The following PCDHA4 variants were observed in gnomAD, a reference collection of about 807,000 sequenced individuals.
PCDHA4 encodes the protein protocadherin alpha-4.
A neutral mutation model predicts 61.4 loss-of-function variants in PCDHA4; 49 were observed. The observed-to-expected ratio is 0.80, with a 90% CI of 0.63 to 1.01. The LOEUF is 1.01. Among genes scored for constraint, PCDHA4 ranks in the 50% least tolerant of loss-of-function variants. PCDHA4 has a pLI of 0.00. For synonymous variants in PCDHA4, 590 were observed against 550.3 expected (o/e 1.07, Z -1.01); for missense variants, 1,254 against 1,235.8 (o/e 1.01, Z -0.22).
intron 1 of PCDHA4, chr5:140,827,875 C>G (rs2150149520): frequency 7.5e-4 from 485 of 643,822 alleles, no homozygotes; most frequent in Middle Eastern, 4.8e-3. Flanking sequence ...AGCACTGTTA[C>G]GTGAATTGAT....
intron 1 of PCDHA4, chr5:140,967,958 C>T (rs202159883): frequency 5.6e-6 from 9 of 1,614,182 alleles, no homozygotes; most frequent in East Asian, 2.2e-5. Flanking sequence ...AGGCCCCAAC[C>T]GGAAAGTGAG....
intron 1 of PCDHA4, among the ~76,000 whole-genome samples, chr5:140,962,176 C>T (rs1554225858): frequency 6.6e-6 from 1 of 152,104 alleles, no homozygotes; most frequent in Admixed American, 6.6e-5. Flanking sequence ...CACCCGGCCA[C>T]TTATATCACT....
Position 141,010,117 on chromosome 5 carries a change from T to C in PCDHA4, c.*180T>C. Reference sequence around the variant, plus strand: ...TTTAACAGGTTTTGTCGTAAAAGCTTTACTAAGTCTGGTGTTAACTCTTTC... The same window carrying C: ...TTTAACAGGTTTTGTCGTAAAAGCTCTACTAAGTCTGGTGTTAACTCTTTC... On this transcript the variant is annotated 3_prime_UTR_variant, in exon 4 of 4. Transcript: ENST00000530339. 1 of 1,608,612 alleles carries C rather than the reference T, an allele frequency of 6.2e-7. No individual in the cohort carries two copies. The highest frequency in any genetic ancestry group is 8.5e-7 in the Non-Finnish European group (1 of 1,177,044).
intron 1 of PCDHA4, chr5:140,926,324 G>A (rs574950381): frequency 6.6e-6 from 1 of 152,268 alleles, no homozygotes; most frequent in Non-Finnish European, 1.5e-5. Flanking sequence ...GTGCGCCGGG[G>A]TCAGAGCGCC....
At chr5:140,925,523 A>G (rs2082536331) in intron 1 of PCDHA4, among the ~76,000 whole-genome samples, 1 of 152,138 alleles carries the variant, frequency 6.6e-6, no homozygotes, top group African/African-American at 2.4e-5. Flanking sequence ...ACCAAATTAA[A>G]AGCGAGGAGA....
At chr5:140,857,184 G>C in intron 1 of PCDHA4, 1 of 1,598,552 alleles carries the variant, frequency 6.3e-7, no homozygotes. Flanking sequence ...CATGATTCAG[G>C]AGCCAACGGA....
chr5:140,993,133 C>T (rs2097542175), intron 3 of PCDHA4, among the ~76,000 whole-genome samples: 1 of 152,190 alleles, frequency 6.6e-6, no homozygotes, highest in East Asian at 1.9e-4. Context: ...CCTTCTGTTG[C>T]AACAAGTATA....
intron 1 of PCDHA4, chr5:140,827,959 T>C: frequency 7.6e-7 from 1 of 1,307,212 alleles, no homozygotes; most frequent in Non-Finnish European, 1.1e-6. Flanking sequence ...AAATTTCTTC[T>C]ATTACTGCAT....
In PCDHA4 at chr5:140,882,516, T is replaced by C. The variant is rs782263799; in HGVS notation, c.2385+72944T>C. ...CTGGAGGTAAATCTGCAGAATGGCA[T>C]TTTGTTTGTGAATTCTCGGATCGAC... is the stretch of plus-strand genomic sequence containing the variant. On this transcript the variant is annotated intron_variant, in intron 1 of 3. Coordinates refer to ENST00000530339, the MANE Select transcript of PCDHA4 (RefSeq NM_018907.4). 1.4e-5 allele frequency: 22 copies of C among 1,614,068 alleles called. No individual in the cohort carries two copies. The highest frequency in any genetic ancestry group is 4.0e-5 in the African/African-American group (3 of 74,944).
chr5:140,838,732 T>G (rs2150291924), intron 1 of PCDHA4, among the ~76,000 whole-genome samples: 1 of 152,114 alleles, frequency 6.6e-6, no homozygotes, highest in African/African-American at 2.4e-5. Context: ...GTCTAGTAGT[T>G]TGAGACCAGC....
chr5:140,896,410 T>C (rs1554186951), intron 1 of PCDHA4, among the ~76,000 whole-genome samples: 1 of 152,154 alleles, frequency 6.6e-6, no homozygotes, highest in Non-Finnish European at 1.5e-5. Context: ...TTTTGACTTT[T>C]TAGTAATAGC....
rs2150348656 is a variant in PCDHA4, at chr5:140,842,958, G to A, written c.2385+33386G>A. On this transcript the variant is annotated intron_variant, in intron 1 of 3. Transcript: ENST00000530339. ...CGCGACGCGGGCGTGCCGCCTCTGG[G>A]CAGCAACGTGACGCTGCAGGTGTTC... 1.4e-5 allele frequency: 22 copies of A among 1,594,922 alleles called. 1 individual carries two copies. The South Asian group carries it at 2.2e-4, about 16-fold the overall frequency.
At chr5:140,897,086 T>G (rs527763854) in intron 1 of PCDHA4, among the ~76,000 whole-genome samples, 379 of 152,296 alleles carry the variant, frequency 2.5e-3, no homozygotes, top group African/African-American at 8.4e-3. Context: ...TTCTATTTTT[T>G]ATCCTCATTA....
intron 3 of PCDHA4, among the ~76,000 whole-genome samples, chr5:141,000,401 A>ATT (rs2097917579): frequency 1.3e-5 from 1 of 76,232 alleles, no homozygotes; most frequent in Non-Finnish European, 2.5e-5. Flanking sequence ...CTCTCTATAT[A>ATT]TATATATATA....
chr5:140,829,894 A>G lies in PCDHA4; in HGVS notation c.2385+20322A>G, dbSNP rs201316180. The G allele has an allele frequency of 1.1e-4, 179 of 1,613,954 alleles. No homozygotes were observed. In the East Asian group the frequency reaches 2.9e-3, roughly 27 times the overall value. On this transcript the variant is annotated intron_variant, in intron 1 of 3. Transcript: ENST00000530339. ...AGGTGCGCGCAGTTGACGCCGACTC[A>G]GGCTACAACGCGTGGCTTTCGTATG... is the stretch of plus-strand genomic sequence containing the variant.
Position 140,850,690 on chromosome 5 carries a change from G to T in PCDHA4, c.2385+41118G>T, listed in dbSNP as rs2150494322. On this transcript the variant is annotated intron_variant, in intron 1 of 3. Transcript: ENST00000530339. ...TCGGCGATGCCCACCGAGGGCGAGT[G>T]CGCGCCTGGCAAGCCGACGCTGGTG... 3.1e-6 allele frequency: 5 copies of T among 1,598,402 alleles called. 1 individual carries two copies. In the South Asian group the frequency reaches 5.5e-5, roughly 18 times the overall value.
chr5:140,985,508 A>G (rs2097155357), intron 3 of PCDHA4, among the ~76,000 whole-genome samples: 1 of 152,160 alleles, frequency 6.6e-6, no homozygotes, highest in Admixed American at 6.5e-5. Context: ...CCTTTCATTG[A>G]TTCTGTTGCC....
At chr5:140,860,697 ATTG>A (rs1191589465) in intron 1 of PCDHA4, 2 of 152,170 alleles carry the variant, frequency 1.3e-5, no homozygotes, top group African/African-American at 4.8e-5. Context: ...GCGACAGGAT[ATTG>A]TTGTTCTCCA....
chr5:140,928,664 G>A (rs186350151), intron 1 of PCDHA4: 2 of 1,614,214 alleles, frequency 1.2e-6, no homozygotes, highest in Non-Finnish European at 1.7e-6. Context: ...GCTGACAGTG[G>A]TTCTAATGCC....
Sources: gnomAD v4.1 joint callset for allele counts (sites outside exome capture counted in the v4.1 genomes callset) on GRCh38, gnomAD v4.1.1 for gene constraint, MANE v1.5 for transcripts, NCBI Gene and HGNC (gene_info 2026-07-23, HGNC 2026-07-21) for gene names.